CAMK2G: variants seen among roughly 807,000 people sequenced by gnomAD.
The protein encoded by CAMK2G is calcium/calmodulin dependent protein kinase II gamma, also known as calcium/calmodulin-dependent protein kinase type II subunit gamma.
CAMK2G carries 23 observed loss-of-function variants against 88.7 expected under a neutral mutation model. That is an observed-to-expected ratio of 0.26 (90% CI 0.19 to 0.37). The LOEUF (loss-of-function observed/expected upper bound fraction) is 0.37, where lower values mean the gene tolerates loss of function less well. Among genes scored for constraint, CAMK2G ranks in the 10% least tolerant of loss-of-function variants. CAMK2G has a pLI of 1.00. For synonymous variants in CAMK2G, 263 were observed against 294.8 expected (o/e 0.89, Z 1.11); for missense variants, 476 against 780.8 (o/e 0.61, Z 4.65).
chr10:73,834,609 T>C (rs1171572133), intron 14 of CAMK2G, among the ~76,000 whole-genome samples: 1 of 152,192 alleles, frequency 6.6e-6, no homozygotes, highest in Non-Finnish European at 1.5e-5. Context: ...TCCAGCCCTT[T>C]CTTAACACAT....
At chr10:73,858,498 G>A (rs370675626) in intron 3 of CAMK2G, among the ~76,000 whole-genome samples, 4 of 152,166 alleles carry the variant, frequency 2.6e-5, no homozygotes, top group Non-Finnish European at 4.4e-5. Flanking sequence ...GGTTCCCACC[G>A]GATGCTGGAG....
At chr10:73,852,702 G>A in intron 4 of CAMK2G, 1 of 266,920 alleles carries the variant, frequency 3.7e-6, no homozygotes, top group Non-Finnish European at 7.2e-6. Flanking sequence ...GAAGAGTAAT[G>A]AGACCAATGA....
At chr10:73,863,959 G>A (rs1416045344) in intron 2 of CAMK2G, among the ~76,000 whole-genome samples, 1 of 152,098 alleles carries the variant, frequency 6.6e-6, no homozygotes, top group Non-Finnish European at 1.5e-5. Context: ...ACAACACATC[G>A]GTTTTGAAGT....
In CAMK2G at chr10:73,815,172, G is replaced by A; in HGVS notation, c.1610C>T (p.Ala537Val). The stretch of plus-strand genomic sequence containing the variant: ...GGTGAGGCGGATGTAGGCGATGCAC[G>A]CTGCGTCCTCCCCAATCACGTGGAC... ...PHVHVIGEDA[A>V]CIAYIRLTQY... The change falls in exon 22 of 23, where the codon GCG becomes GTG. Residue 537 changes from alanine to valine, a missense_variant. Transcript: ENST00000423381. The A allele has an allele frequency of 6.2e-7, 1 of 1,614,226 alleles. No individual in the cohort carries two copies. Among genetic ancestry groups the A allele is most frequent in the Non-Finnish European group, 8.5e-7 (1 of 1,180,006 alleles).
chr10:73,838,280 G>T (rs566370027), intron 13 of CAMK2G, among the ~76,000 whole-genome samples: 1 of 152,344 alleles, frequency 6.6e-6, no homozygotes, highest in Admixed American at 6.5e-5. Context: ...GAGAGTCTGG[G>T]AGGCACAGGG....
At chr10:73,844,260 GT>G (rs879609599) in intron 10 of CAMK2G, among the ~76,000 whole-genome samples, 29 of 144,816 alleles carry the variant, frequency 2.0e-4, no homozygotes, top group Admixed American at 8.9e-4. Flanking sequence ...AATTTTTAAA[GT>G]TTTTTTTTTT....
intron 14 of CAMK2G, among the ~76,000 whole-genome samples, chr10:73,833,556 T>G (rs1191864375): frequency 6.6e-6 from 1 of 152,040 alleles, no homozygotes; most frequent in African/African-American, 2.4e-5. Context: ...TTCTACTTCC[T>G]TGTTTTCAGG....
chr10:73,818,560 G>A (rs978077499), intron 19 of CAMK2G: 55 of 393,230 alleles, frequency 1.4e-4, no homozygotes, highest in Non-Finnish European at 7.7e-5. Context: ...GCACCACCAC[G>A]GCCCAGCCGG....
In CAMK2G at chr10:73,848,798, C is replaced by T. The variant is rs903483768; in HGVS notation, c.518-189G>A. 2.6e-5 allele frequency among the ~76,000 whole-genome samples: 4 copies of T among 152,224 alleles called. No homozygotes were observed. The highest frequency in any genetic ancestry group is 1.9e-4 in the East Asian group (1 of 5,202). On this transcript the variant is annotated intron_variant, in intron 7 of 22. Transcript: ENST00000423381. This position sits in a 1 kb window ranked among gnomAD's most constrained non-coding sequence, Gnocchi z 4.5. ...TGGAATCTGAACCAGACGGCAAAGC[C>T]GTATGCCTACCAGGAACTCCAGCTC...
At chr10:73,817,733 A>T (rs1246504484) in intron 19 of CAMK2G, 179 bp from the exon 20 acceptor site, 1 of 604,772 alleles carries the variant, frequency 1.7e-6, no homozygotes, top group African/African-American at 1.8e-5. Context: ...CCCTCTCTGC[A>T]GTCTGCAGAG....
intron 14 of CAMK2G, among the ~76,000 whole-genome samples, chr10:73,829,761 A>G (rs187757431): frequency 5.7e-4 from 86 of 150,448 alleles, no homozygotes; most frequent in African/African-American, 2.1e-3. Flanking sequence ...TTACCCAACT[A>G]AAGTGTTACT....
chr10:73,833,512 T>C, intron 14 of CAMK2G, among the ~76,000 whole-genome samples: 1 of 152,142 alleles, frequency 6.6e-6, no homozygotes, highest in Admixed American at 6.5e-5. Context: ...CTGATACTAG[T>C]GAGGCTAGAA....
intron 19 of CAMK2G, chr10:73,818,483 G>A (rs1027812259): frequency 2.9e-5 from 10 of 350,636 alleles, no homozygotes; most frequent in African/African-American, 1.5e-4. Context: ...AGCCCTGGGC[G>A]GGGCCAGGCC....
intron 19 of CAMK2G, chr10:73,818,685 C>A (rs1421144631): frequency 4.4e-6 from 2 of 454,800 alleles, no homozygotes; most frequent in Admixed American, 2.3e-5. Flanking sequence ...GAGCAAGCAG[C>A]AGGTTAAGGG....
At chr10:73,862,922 T>C (rs568828126) in intron 2 of CAMK2G, among the ~76,000 whole-genome samples, 10 of 152,184 alleles carry the variant, frequency 6.6e-5, no homozygotes, top group Admixed American at 1.3e-4. Context: ...AATGCTATGA[T>C]TGTCCACATT....
chr10:73,834,241 ATT>A (rs1178128243), intron 14 of CAMK2G, among the ~76,000 whole-genome samples: 1 of 152,132 alleles, frequency 6.6e-6, no homozygotes, highest in African/African-American at 2.4e-5. Flanking sequence ...AAGAGGGATT[ATT>A]TGTCACAGAA....
rs188410569 is a variant in CAMK2G, at chr10:73,859,641, A to G, written c.220+1189T>C. Reference sequence around the variant, plus strand: ...AGCTGAGAGGTGCTGGCTCTGCAGAACACACTGCATCAGGCAAAGCCGATC... The same window carrying G: ...AGCTGAGAGGTGCTGGCTCTGCAGAGCACACTGCATCAGGCAAAGCCGATC... On this transcript the variant is annotated intron_variant, in intron 3 of 22. Coordinates refer to ENST00000423381, the MANE Select transcript of CAMK2G (RefSeq NM_001367534.1). 5.8e-3 allele frequency among the ~76,000 whole-genome samples: 877 copies of G among 152,314 alleles called. 5 individuals carry two copies. Among genetic ancestry groups the G allele is most frequent in the Non-Finnish European group, 8.5e-3 (577 of 68,020 alleles).
chr10:73,857,322 A>G (rs1039415970), intron 3 of CAMK2G, among the ~76,000 whole-genome samples: 2 of 152,270 alleles, frequency 1.3e-5, no homozygotes, highest in African/African-American at 4.8e-5. Context: ...GAACCCTTTC[A>G]TAACAACTCC....
chr10:73,853,613 G>C (rs1339371026), intron 3 of CAMK2G, among the ~76,000 whole-genome samples: 1 of 152,234 alleles, frequency 6.6e-6, no homozygotes, highest in Admixed American at 6.5e-5. Context: ...TTGACGGCAG[G>C]GGACAACAAT....
Sources: allele counts gnomAD v4.1 joint callset (sites outside exome capture counted in the v4.1 genomes callset), GRCh38; gene constraint gnomAD v4.1.1; non-coding constraint Gnocchi (gnomAD v3.1); transcripts MANE v1.5; gene names NCBI Gene and HGNC (gene_info 2026-07-23, HGNC 2026-07-21).